Variants in DHX15 observed in about 807,000 individuals in gnomAD.
The protein encoded by DHX15 is ATP-dependent RNA helicase DHX15.
Under a neutral mutation model 94.4 loss-of-function variants are expected in DHX15, and 11 were observed. The ratio of observed to expected loss-of-function variants is 0.12; its 90% CI spans 0.07 to 0.19. The LOEUF (loss-of-function observed/expected upper bound fraction) is 0.19, where lower values mean the gene tolerates loss of function less well. Ranked by LOEUF, DHX15 falls within the 10% of genes least tolerant of loss-of-function variation. The probability of loss-of-function intolerance (pLI) is 1.00; values close to 1 mark genes in which losing one functional copy is unlikely to be tolerated. For missense variants in DHX15, 304 were observed against 988.5 expected, an observed-to-expected ratio of 0.31 and a Z score of 9.29; for synonymous variants, 338 against 329.9, an observed-to-expected ratio of 1.02 and a Z score of -0.27.
chr4:24,533,734 A>T (rs1397805499), intron 11 of DHX15: 1 of 152,264 alleles, frequency 6.6e-6, no homozygotes, highest in Admixed American at 6.5e-5. Context: ...TAAAGAGCTC[A>T]ACCTGTAGCA....
chr4:24,543,021 A>G lies in DHX15; in HGVS notation c.1254T>C (p.Val418=), dbSNP rs1317578672. ...ACGTCTCTGCTATGTTAGTTGACAC[A>G]ACTACCTGTTAAGAAATAGAGTATA... is the stretch of plus-strand genomic sequence containing the variant. ...KQNGAIGRKV[V]VSTNIAETSL... The change falls in exon 7 of 14, where the codon GTT becomes GTC. Residue 418 remains valine, a synonymous_variant. Transcript: ENST00000336812. 2 of 1,607,948 alleles carry G rather than the reference A, an allele frequency of 1.2e-6. No individual in the cohort carries two copies. Among genetic ancestry groups the G allele is most frequent in the South Asian group, 1.1e-5 (1 of 90,630 alleles).
In DHX15 at chr4:24,536,283, A is replaced by AT. The variant is rs1198912761; in HGVS notation, c.1909+767dup. ...CCACTGGTGGGCATTTAGGTAGCCAATTTTTTTTTTACCACCATAAATAAT... is the reference window on the plus strand; with the variant it reads ...CCACTGGTGGGCATTTAGGTAGCCAATTTTTTTTTTTACCACCATAAATAAT... On this transcript the variant is annotated intron_variant, in intron 11 of 13. Coordinates refer to ENST00000336812, the MANE Select transcript of DHX15 (RefSeq NM_001358.3). Among the ~76,000 whole-genome samples the AT allele has an allele frequency of 3.0e-3, 452 of 150,324 alleles. 2 individuals carry two copies. The highest frequency in any genetic ancestry group is 6.8e-3 in the Middle Eastern group (2 of 294).
chr4:24,535,383 T>C (rs1721171962), intron 11 of DHX15, among the ~76,000 whole-genome samples: 1 of 152,232 alleles, frequency 6.6e-6, no homozygotes, highest in South Asian at 2.1e-4. Context: ...CTCAAGGCTT[T>C]AATAGGTTAT....
At chr4:24,563,458 T>G (rs963414622) in intron 3 of DHX15, 2 of 152,204 alleles carry the variant, frequency 1.3e-5, no homozygotes, top group Non-Finnish European at 2.9e-5. Context: ...CCACTGCACC[T>G]GGACTTGTTT....
intron 2 of DHX15, among the ~76,000 whole-genome samples, chr4:24,571,174 TAAGA>T (rs916571488): frequency 1.3e-4 from 20 of 152,364 alleles, no homozygotes; most frequent in African/African-American, 4.6e-4. Context: ...CAAACGTTTC[TAAGA>T]AAGTGTAACT....
intron 1 of DHX15, among the ~76,000 whole-genome samples, chr4:24,578,879 T>C (rs1207916722): frequency 1.3e-5 from 2 of 152,152 alleles, no homozygotes; most frequent in Non-Finnish European, 2.9e-5. Flanking sequence ...ATGATTTCTA[T>C]ACTTCTAGCA....
intron 10 of DHX15, among the ~76,000 whole-genome samples, chr4:24,539,557 A>G (rs980341862): frequency 3.9e-5 from 6 of 152,154 alleles, no homozygotes; most frequent in African/African-American, 1.4e-4. Context: ...AAGTTTTTCT[A>G]CCATTGTAAA....
intron 13 of DHX15, among the ~76,000 whole-genome samples, chr4:24,528,728 G>C (rs1036569041): frequency 6.6e-6 from 1 of 152,144 alleles, no homozygotes; most frequent in African/African-American, 2.4e-5. Flanking sequence ...CCATGAAGGT[G>C]AGGGTTATTT....
intron 3 of DHX15, among the ~76,000 whole-genome samples, chr4:24,557,505 A>G (rs1465993648): frequency 6.6e-6 from 1 of 152,152 alleles, no homozygotes; most frequent in African/African-American, 2.4e-5. Context: ...GCAAATTGAT[A>G]GTGTACAACA....
At chr4:24,528,462 T>G (rs576968910) in intron 13 of DHX15, among the ~76,000 whole-genome samples, 15 of 152,338 alleles carry the variant, frequency 9.8e-5, no homozygotes, top group African/African-American at 3.6e-4. Flanking sequence ...TGTAACTCTA[T>G]ACCCCCAAAA....
chr4:24,559,635 G>A (rs1408169573), intron 3 of DHX15, among the ~76,000 whole-genome samples: 1 of 152,126 alleles, frequency 6.6e-6, no homozygotes, highest in Non-Finnish European at 1.5e-5. Flanking sequence ...AAGTTTCAAT[G>A]ATGAATTAAT....
intron 11 of DHX15, among the ~76,000 whole-genome samples, chr4:24,535,389 G>A (rs958397047): frequency 6.6e-6 from 1 of 152,120 alleles, no homozygotes; most frequent in African/African-American, 2.4e-5. Flanking sequence ...GCTTTAATAG[G>A]TTATGTATCT....
chr4:24,546,624 T>C (rs1295047548), intron 6 of DHX15, among the ~76,000 whole-genome samples: 1 of 152,170 alleles, frequency 6.6e-6, no homozygotes, highest in Admixed American at 6.5e-5. Flanking sequence ...CCTTTCTTGA[T>C]TGCTAAAAAC....
chr4:24,555,316 AAAAT>A (rs1721705513), intron 4 of DHX15, among the ~76,000 whole-genome samples: 1 of 151,980 alleles, frequency 6.6e-6, no homozygotes, highest in Admixed American at 6.5e-5. Context: ...GCAAAAAAAA[AAAAT>A]AAGTGGACCA....
At chr4:24,533,932 C>A (rs980101142) in intron 11 of DHX15, 4 of 152,192 alleles carry the variant, frequency 2.6e-5, no homozygotes, top group African/African-American at 9.7e-5. Context: ...TTATCTTCAG[C>A]ATACTCTTTT....
intron 10 of DHX15, 156 bp downstream of exon 10, chr4:24,539,952 C>T (rs113037488): frequency 4.0e-6 from 2 of 499,436 alleles, no homozygotes; most frequent in Non-Finnish European, 6.9e-6. Flanking sequence ...TATGTCATTA[C>T]GAAGCTATTT....
At chr4:24,541,798 A>G (rs779633785) in intron 8 of DHX15, 75 bp downstream of exon 8, 1 of 1,383,934 alleles carries the variant, frequency 7.2e-7, no homozygotes, top group Non-Finnish European at 9.7e-7. Flanking sequence ...TAAGTAAATA[A>G]GGCAATGTTC....
rs1560765921 is a variant in DHX15, at chr4:24,547,935, ATATATAT to A, written c.1248+913_1248+919del. Among the ~76,000 whole-genome samples, 50 of 49,064 alleles carry A rather than the reference ATATATAT, an allele frequency of 1.0e-3. 1 individual carries two copies. Among genetic ancestry groups the A allele is most frequent in the African/African-American group, 2.3e-3 (27 of 11,934 alleles). 32.2% of individuals were successfully genotyped at this position (49,064 alleles called of 152,430 possible). A position where few individuals can be genotyped will look rare whatever the true frequency, so the allele number is the denominator to read the frequency against. Reference sequence around the variant, plus strand: ...TATATATATATATATATATATATATATATATATCTATATCTATATCTATATCTATCTG... The same window carrying A: ...TATATATATATATATATATATATATACTATATCTATATCTATATCTATCTG... On this transcript the variant is annotated intron_variant, in intron 6 of 13. Coordinates refer to ENST00000336812, the MANE Select transcript of DHX15 (RefSeq NM_001358.3).
intron 3 of DHX15, among the ~76,000 whole-genome samples, chr4:24,566,591 T>A (rs1010707728): frequency 7.2e-5 from 11 of 152,174 alleles, no homozygotes; most frequent in African/African-American, 2.2e-4. Context: ...TTTGGGAGGC[T>A]GAGGTGGGTG....
Sources: gnomAD v4.1 joint callset for allele counts (sites outside exome capture counted in the v4.1 genomes callset) on GRCh38, gnomAD v4.1.1 for gene constraint, MANE v1.5 for transcripts, NCBI Gene and HGNC (gene_info 2026-07-23, HGNC 2026-07-21) for gene names.